Variants in CFAP299 observed in about 807,000 individuals in gnomAD.
CFAP299 encodes the protein cilia and flagella associated protein 299.
Under a neutral mutation model 27.0 loss-of-function variants are expected in CFAP299, and 21 were observed. That is an observed-to-expected ratio of 0.78 (90% CI 0.55 to 1.12). The LOEUF (loss-of-function observed/expected upper bound fraction) is 1.12, where lower values mean the gene tolerates loss of function less well. Among genes scored for constraint, CFAP299 ranks in the 50% most tolerant of loss-of-function variants. CFAP299 has a pLI of 0.00. For synonymous variants in CFAP299, 104 were observed against 98.1 expected (o/e 1.06, Z -0.36); for missense variants, 310 against 276.6 (o/e 1.12, Z -0.86).
At chr4:80,697,538 C>T (rs1322648216) in intron 3 of CFAP299, among the ~76,000 whole-genome samples, 1 of 152,122 alleles carries the variant, frequency 6.6e-6, no homozygotes, top group Non-Finnish European at 1.5e-5. Context: ...AAGTGAGAAT[C>T]AATTGTTCTT....
At chr4:80,885,756 G>A (rs1316273085) in intron 4 of CFAP299, among the ~76,000 whole-genome samples, 6 of 152,216 alleles carry the variant, frequency 3.9e-5, no homozygotes. Context: ...GCACTGAGAA[G>A]TTCTGACTTC....
At chr4:80,451,203 G>A (rs7677943) in intron 2 of CFAP299, among the ~76,000 whole-genome samples, 7,802 of 152,234 alleles carry the variant, frequency 0.051, 683 homozygotes, top group African/African-American at 0.18. Context: ...ATGGATGGCT[G>A]CCTCCTTGCT....
chr4:80,886,631 T>C (rs1367442570), intron 4 of CFAP299, among the ~76,000 whole-genome samples: 2 of 152,122 alleles, frequency 1.3e-5, no homozygotes, highest in Non-Finnish European at 2.9e-5. Flanking sequence ...GCCCAGACTA[T>C]GAAGACAACA....
chr4:80,820,292 A>G (rs967005943), intron 3 of CFAP299, among the ~76,000 whole-genome samples: 2 of 152,162 alleles, frequency 1.3e-5, no homozygotes, highest in African/African-American at 2.4e-5. Flanking sequence ...TTTCTACTAT[A>G]TGAAGCCTAT....
intron 3 of CFAP299, among the ~76,000 whole-genome samples, chr4:80,600,580 A>G (rs925338446): frequency 6.6e-6 from 1 of 152,152 alleles, no homozygotes; most frequent in African/African-American, 2.4e-5. Context: ...ATAATTGTAA[A>G]AAGTGGCAAA....
At chr4:80,625,628 G>A (rs1267108481) in intron 3 of CFAP299, among the ~76,000 whole-genome samples, 2 of 151,906 alleles carry the variant, frequency 1.3e-5, no homozygotes, top group Admixed American at 1.3e-4. Context: ...CCAAATATAT[G>A]CCACCTACAA....
rs35062478 is a variant in CFAP299 at position 80,646,968 on chromosome 4, T to TGAGA, written c.333+63803_333+63806dup. 2.3e-3 allele frequency among the ~76,000 whole-genome samples: 348 copies of TGAGA among 148,272 alleles called. 1 individual carries two copies. The highest frequency in any genetic ancestry group is 8.1e-3 in the African/African-American group (327 of 40,298). ...GTTTGGACTAGGTTTTCCAATTCTT[T>TGAGA]GAGAGAGAGAGAGAGAGAGAGTGTG... On this transcript the variant is annotated intron_variant, in intron 3 of 5. Coordinates refer to ENST00000358105, the MANE Select transcript of CFAP299 (RefSeq NM_152770.3).
At chr4:80,398,276 A>G (rs1179526418) in intron 2 of CFAP299, among the ~76,000 whole-genome samples, 1 of 152,210 alleles carries the variant, frequency 6.6e-6, no homozygotes, top group East Asian at 1.9e-4. Flanking sequence ...GGTAATTTAT[A>G]GATTCAATGC....
intron 1 of CFAP299, among the ~76,000 whole-genome samples, chr4:80,348,701 GA>G (rs1722871553): frequency 6.6e-6 from 1 of 152,148 alleles, no homozygotes. Flanking sequence ...AGAACTGTGA[GA>G]AAATAAATTT....
At chr4:80,423,850 T>C (rs1365508442) in intron 2 of CFAP299, among the ~76,000 whole-genome samples, 1 of 152,168 alleles carries the variant, frequency 6.6e-6, no homozygotes, top group Non-Finnish European at 1.5e-5. Flanking sequence ...GAGCTGGAAC[T>C]GCATGTGGGG....
At chr4:80,400,841 TC>T (rs962253300) in intron 2 of CFAP299, among the ~76,000 whole-genome samples, 1 of 152,216 alleles carries the variant, frequency 6.6e-6, no homozygotes, top group Admixed American at 6.5e-5. Flanking sequence ...GTTTGGAACT[TC>T]CTGGACACTT....
intron 3 of CFAP299, among the ~76,000 whole-genome samples, chr4:80,824,823 A>G (rs1364764335): frequency 3.3e-5 from 5 of 152,120 alleles, no homozygotes; most frequent in African/African-American, 1.2e-4. Context: ...TCTAGTTTCA[A>G]CACATCATTA....
intron 2 of CFAP299, among the ~76,000 whole-genome samples, chr4:80,434,233 A>T (rs1727957452): frequency 6.6e-6 from 1 of 152,166 alleles, no homozygotes; most frequent in Admixed American, 6.5e-5. Flanking sequence ...TTAGATTAAA[A>T]TAAGCAAGTC....
chr4:80,813,381 G>A (rs1362177630), intron 3 of CFAP299, among the ~76,000 whole-genome samples: 1 of 151,900 alleles, frequency 6.6e-6, no homozygotes, highest in Non-Finnish European at 1.5e-5. Context: ...TTTTTCTGGA[G>A]TTTAGAAGTG....
intron 3 of CFAP299, among the ~76,000 whole-genome samples, chr4:80,705,058 G>A (rs1287801630): frequency 6.6e-6 from 1 of 151,696 alleles, no homozygotes; most frequent in Non-Finnish European, 1.5e-5. Context: ...AGGCATTGGA[G>A]GGATAAAAGT....
intron 3 of CFAP299, among the ~76,000 whole-genome samples, chr4:80,840,700 T>C (rs530849668): frequency 3.2e-4 from 49 of 152,240 alleles, no homozygotes; most frequent in African/African-American, 1.1e-3. Context: ...TCTGGACTTA[T>C]GAGCAAAGGA....
chr4:80,357,232 G>A (rs551088993), intron 1 of CFAP299, among the ~76,000 whole-genome samples: 2 of 152,204 alleles, frequency 1.3e-5, no homozygotes, highest in East Asian at 1.9e-4. Context: ...TGCTGGATTC[G>A]GTTTGTCAGT....
At chr4:80,772,691 G>C (rs938718108) in intron 3 of CFAP299, among the ~76,000 whole-genome samples, 34 of 151,942 alleles carry the variant, frequency 2.2e-4, no homozygotes, top group Non-Finnish European at 4.0e-4. Flanking sequence ...TTAGGTATTT[G>C]TCTTAATGCT....
chr4:80,475,753 A>G (rs1262681423), intron 2 of CFAP299, among the ~76,000 whole-genome samples: 1 of 152,220 alleles, frequency 6.6e-6, no homozygotes, highest in Non-Finnish European at 1.5e-5. Flanking sequence ...TGTCGCAAAC[A>G]AATATTTGGT....
Sources: allele counts gnomAD v4.1 joint callset (sites outside exome capture counted in the v4.1 genomes callset), GRCh38; gene constraint gnomAD v4.1.1; transcripts MANE v1.5; gene names NCBI Gene and HGNC (gene_info 2026-07-23, HGNC 2026-07-21).